HJURP: variants seen among roughly 807,000 people sequenced by gnomAD.
HJURP encodes the protein 14-3-3-associated AKT substrate.
HJURP carries 49 observed loss-of-function variants against 72.0 expected under a neutral mutation model. The observed-to-expected ratio is 0.68, with a 90% confidence interval of 0.54 to 0.86. HJURP has a LOEUF of 0.86. Among genes scored for constraint, HJURP ranks in the 40% least tolerant of loss-of-function variants. The pLI, the probability that HJURP is intolerant of heterozygous loss-of-function variation, is 0.00. For synonymous variants in HJURP, 357 were observed against 347.1 expected (o/e 1.03, Z -0.32); for missense variants, 908 against 936.3 (o/e 0.97, Z 0.39).
chr2:233,849,802 C>A lies in HJURP; in HGVS notation c.298G>T (p.Gly100Cys). 6.4e-7 allele frequency: 1 copy of A among 1,555,348 alleles called. No individual in the cohort carries two copies. Among genetic ancestry groups the A allele is most frequent in the Admixed American group, 1.9e-5 (1 of 51,636 alleles). Residue 100 changes from glycine to cysteine, a missense_variant, in exon 4 of 9, where the codon GGT becomes TGT. Physicochemically the swap from Gly to Cys is radical, Grantham distance 159. Transcript: ENST00000411486. Reference protein sequence around the residue: ...TDGSVQAAAWGPELPSHRTVL... With the variant: ...TDGSVQAAAWCPELPSHRTVL... ...GTGCGGTGCGAGGGAAGCTCAGGAC[C>A]CCAGGCTGCAGCTTGCACGGAGCCA...
chr2:233,840,561 G>A, intron 8 of HJURP, 48 bp downstream of exon 8: 1 of 1,518,558 alleles, frequency 6.6e-7, no homozygotes, highest in Non-Finnish European at 8.8e-7. Flanking sequence ...TCTGTCCAAA[G>A]AGCAGTCACT....
chr2:233,841,435 G>A lies in HJURP; in HGVS notation c.1345C>T (p.Pro449Ser). The part of the protein sequence containing the change: ...DQLHREYCLS[P>S]RNQPRRMCLP... The stretch of plus-strand genomic sequence containing the variant: ...CACATCCGGCGAGGCTGGTTCCTGG[G>A]ACTCAGGCAATATTCCCGATGAAGC... The change falls in exon 8 of 9, where the codon CCC becomes TCC. Residue 449 changes from proline to serine, a missense_variant. By Grantham distance (74) the Pro-to-Ser change is moderately conservative. This residue lies in a region of HJURP where 598 missense variants were observed against 619.5 expected (regional missense o/e 0.97). Coordinates refer to ENST00000411486, the MANE Select transcript of HJURP (RefSeq NM_018410.5). The A allele has an allele frequency of 6.2e-7, 1 of 1,614,170 alleles. No individual in the cohort carries two copies. Among genetic ancestry groups the A allele is most frequent in the African/African-American group, 1.3e-5 (1 of 75,048 alleles).
rs1448596922 is a variant in HJURP, at chr2:233,853,857, G to A, written c.171C>T (p.Tyr57=). The change falls in exon 2 of 9, where the codon TAC becomes TAT. Residue 57 remains tyrosine (Y), a synonymous_variant. Transcript: ENST00000411486. ...TPVVQMATLT[Y]ETPQGLRIWG... The stretch of plus-strand genomic sequence containing the variant: ...GAAGACCCTTACCCTGTGGCGTCTC[G>A]TAGGTCAGCGTGGCCATTTGCACCA... The A allele has an allele frequency of 5.6e-6, 9 of 1,613,846 alleles. No individual in the cohort carries two copies. Among genetic ancestry groups the A allele is most frequent in the Non-Finnish European group, 7.6e-6 (9 of 1,179,852 alleles).
rs1279643272 is a variant in HJURP, at chr2:233,841,862, G to A, written c.918C>T (p.Asn306=). 5.0e-6 allele frequency: 8 copies of A among 1,614,068 alleles called. No homozygotes were observed. Among genetic ancestry groups the A allele is most frequent in the Non-Finnish European group, 6.8e-6 (8 of 1,180,038 alleles). ...RRRHRYKSRM[N]KTYCKGARRS... ...GTCTGGCTCCTTTGCAATATGTTTT[G>A]TTCATCCTGCTCTTATATCTGTGCC... The change falls in exon 8 of 9, where the codon AAC becomes AAT. Residue 306 remains asparagine (N), a synonymous_variant. Transcript: ENST00000411486.
intron 3 of HJURP, among the ~76,000 whole-genome samples, chr2:233,850,557 C>G (rs1256429917): frequency 1.3e-5 from 2 of 152,164 alleles, no homozygotes; most frequent in African/African-American, 2.4e-5. Context: ...AACCACCCAG[C>G]CTTATAAAAA....
chr2:233,843,137 A>G (rs1705273500), intron 7 of HJURP, among the ~76,000 whole-genome samples: 1 of 152,178 alleles, frequency 6.6e-6, no homozygotes, highest in East Asian at 1.9e-4. Flanking sequence ...AGGAAGCAAA[A>G]AAAAGAACCA....
In HJURP at chr2:233,840,970, A is replaced by G. The variant is rs780977409; in HGVS notation, c.1810T>C (p.Cys604Arg). ...GCTTTATCTGTAGACACTCCAATAC[A>G]TAAAGGCACTGTCATCTGCCCAGGA... ...KSPGQMTVPL[C>R]IGVSTDKASM... The change falls in exon 8 of 9, where the codon TGT becomes CGT. Residue 604 changes from cysteine to arginine, a missense_variant. By Grantham distance (180) the Cys-to-Arg change is radical. Around this residue, in one of 3 missense-constraint regions of HJURP, gnomAD observed 598 missense variants for 619.5 expected, o/e 0.97. Transcript: ENST00000411486. 17 of 1,614,188 alleles carry G rather than the reference A, an allele frequency of 1.1e-5. No homozygotes were observed. The East Asian group carries it at 3.3e-4, about 32-fold the overall frequency.
chr2:233,843,797 G>A (rs188043176), intron 7 of HJURP, among the ~76,000 whole-genome samples: 129 of 152,286 alleles, frequency 8.5e-4, no homozygotes, highest in African/African-American at 2.9e-3. Flanking sequence ...AGAATTAGCC[G>A]ATTTTTGGAG....
chr2:233,843,165 T>C (rs1256170160), intron 7 of HJURP, among the ~76,000 whole-genome samples: 1 of 151,996 alleles, frequency 6.6e-6, no homozygotes, highest in African/African-American at 2.4e-5. Context: ...GATAGCTCTT[T>C]TGAGCAGAAT....
rs936686316 is a variant in HJURP, at chr2:233,846,515, C to T, written c.403-695G>A. Among the ~76,000 whole-genome samples, 2 of 152,148 alleles carry T rather than the reference C, an allele frequency of 1.3e-5. No homozygotes were observed. The highest frequency in any genetic ancestry group is 2.9e-5 in the Non-Finnish European group (2 of 68,024). ...GCTCAGGAGGCTCTCCTACCCCTCC[C>T]CTGCTAGACACTGGAAATAGAGGGC... On this transcript the variant is annotated intron_variant, in intron 5 of 8. Coordinates refer to ENST00000411486, the MANE Select transcript of HJURP (RefSeq NM_018410.5). The surrounding 1 kb of genome is among the most constrained non-coding windows in gnomAD (Gnocchi z 4.3).
intron 3 of HJURP, among the ~76,000 whole-genome samples, 174 bp from the exon 4 acceptor site, chr2:233,850,033 GA>G (rs1705463393): frequency 6.6e-6 from 1 of 152,196 alleles, no homozygotes; most frequent in Non-Finnish European, 1.5e-5. Context: ...AAGAGCGTAG[GA>G]AGGAGCTGAG....
chr2:233,854,481 G>A lies in HJURP; in HGVS notation c.20C>T (p.Ala7Val). MLGTLRAMEGEDVEDDQ... is the reference protein window; with the variant it reads MLGTLRVMEGEDVEDDQ... ...GTCTTCCACGTCCTCGCCCTCCATG[G>A]CGCGCAGCGTACCCAGCATCGGACC... The change falls in exon 1 of 9, where the codon GCC (alanine) becomes GTC (valine). Residue 7 changes from alanine (A) to valine (V), a missense_variant. This residue lies in a region of HJURP where 299 missense variants were observed against 286.7 expected (regional missense o/e 1.04). Coordinates refer to ENST00000411486, the MANE Select transcript of HJURP (RefSeq NM_018410.5). 1.9e-6 allele frequency: 3 copies of A among 1,612,088 alleles called. No homozygotes were observed. Among genetic ancestry groups the A allele is most frequent in the Admixed American group, 1.7e-5 (1 of 59,912 alleles).
In HJURP at chr2:233,837,642, T is replaced by A; in HGVS notation, c.2182A>T (p.Thr728Ser). The A allele has an allele frequency of 6.2e-7, 1 of 1,604,584 alleles. No homozygotes were observed. Among genetic ancestry groups the A allele is most frequent in the Non-Finnish European group, 8.5e-7 (1 of 1,174,764 alleles). Residue 728 changes from threonine (T) to serine (S), a missense_variant, in exon 9 of 9, where the codon ACG becomes TCG. By Grantham distance (58) the Thr-to-Ser change is moderately conservative. This residue lies in a region of HJURP where 598 missense variants were observed against 619.5 expected (regional missense o/e 0.97). Transcript: ENST00000411486. ...QPNSEERGEN[T>S]SYRMEEKSDF... Reference sequence around the variant, plus strand: ...CTTTTCTCTTCCATCCTGTAAGACGTGTTCTCTCCTCTAGGAAAAAAAAAA... The same window carrying A: ...CTTTTCTCTTCCATCCTGTAAGACGAGTTCTCTCCTCTAGGAAAAAAAAAA...
Position 233,836,943 on chromosome 2 carries a change from G to A in HJURP, c.*634C>T, listed in dbSNP as rs1027788739. On this transcript the variant is annotated 3_prime_UTR_variant, in exon 9 of 9. Transcript: ENST00000411486. ...CGTCTCACAAGCAAACAATATTCTC[G>A]AATGAAATGGGAAACAGGAGAGAGG... 3 of 152,210 alleles carry A rather than the reference G, an allele frequency of 2.0e-5. No homozygotes were observed. Among genetic ancestry groups the A allele is most frequent in the East Asian group, 1.9e-4 (1 of 5,182 alleles). 9.4% of individuals were successfully genotyped at this position (152,210 alleles called of 1,614,324 possible). A position where few individuals can be genotyped will look rare whatever the true frequency, so the allele number is the denominator to read the frequency against.
At chr2:233,844,125 A>T in intron 7 of HJURP, 80 bp downstream of exon 7, 1 of 1,056,650 alleles carries the variant, frequency 9.5e-7, no homozygotes. Context: ...GGCCAGTATG[A>T]GCAGCTCTGA....
chr2:233,844,420 T>C (rs1030481114), intron 6 of HJURP, 137 bp from the exon 7 acceptor site: 7 of 691,702 alleles, frequency 1.0e-5, no homozygotes, highest in African/African-American at 7.0e-5. Flanking sequence ...GTGGTGACAG[T>C]GGCCAGCTAG....
At chr2:233,852,258 G>A (rs914448518) in intron 3 of HJURP, among the ~76,000 whole-genome samples, 2 of 152,150 alleles carry the variant, frequency 1.3e-5, no homozygotes, top group African/African-American at 4.8e-5. Flanking sequence ...GGGCTGGCAC[G>A]TGACCTTGGG....
At chr2:233,843,236 C>T (rs1303660471) in intron 7 of HJURP, among the ~76,000 whole-genome samples, 2 of 152,130 alleles carry the variant, frequency 1.3e-5, no homozygotes, top group Non-Finnish European at 2.9e-5. Flanking sequence ...CGGGGACCTC[C>T]ACCCAGGCGA....
Position 233,840,729 on chromosome 2 carries a change from C to T in HJURP, c.2051G>A (p.Arg684Lys). 6.2e-7 allele frequency: 1 copy of T among 1,614,058 alleles called. No homozygotes were observed. The highest frequency in any genetic ancestry group is 8.5e-7 in the Non-Finnish European group (1 of 1,180,012). The change falls in exon 8 of 9, where the codon AGG becomes AAG. Residue 684 changes from arginine (R) to lysine (K), a missense_variant. By Grantham distance (26) the Arg-to-Lys change is conservative. Coordinates refer to ENST00000411486, the MANE Select transcript of HJURP (RefSeq NM_018410.5). ...TCCGGAGCCCTGGGGTTCTGATAGC[C>T]TGGGTCTTTTTGCAGGGAACTGATG... ...RDHQFPAKRPRLSEPQGSGRQ... is the reference protein window; with the variant it reads ...RDHQFPAKRPKLSEPQGSGRQ...
Sources: allele counts gnomAD v4.1 joint callset (sites outside exome capture counted in the v4.1 genomes callset), GRCh38; gene constraint gnomAD v4.1.1; regional missense constraint gnomAD v4.1.1; non-coding constraint Gnocchi (gnomAD v3.1); transcripts MANE v1.5; gene names NCBI Gene and HGNC (gene_info 2026-07-23, HGNC 2026-07-21).